STT3B: variants seen among roughly 807,000 people sequenced by gnomAD.
STT3B encodes dolichyl-diphosphooligosaccharide--protein glycosyltransferase subunit STT3B.
A neutral mutation model predicts 96.8 loss-of-function variants in STT3B; 29 were observed. The observed-to-expected ratio is 0.30, with a 90% CI of 0.22 to 0.41. STT3B has a LOEUF of 0.41. STT3B is among the 10% of genes least tolerant of loss of function. STT3B has a pLI of 1.00. For missense variants in STT3B, 640 were observed against 1,022.3 expected (o/e 0.63, Z 5.10); for synonymous variants, 367 against 360.0 (o/e 1.02, Z -0.22).
intron 5 of STT3B, among the ~76,000 whole-genome samples, chr3:31,610,357 A>T (rs942585631): frequency 6.6e-6 from 1 of 152,216 alleles, no homozygotes; most frequent in East Asian, 1.9e-4. Flanking sequence ...AAAAATGCTA[A>T]TGTGATTTAA....
At chr3:31,602,918 A>G (rs1025621823) in intron 5 of STT3B, among the ~76,000 whole-genome samples, 6 of 152,110 alleles carry the variant, frequency 3.9e-5, no homozygotes, top group African/African-American at 1.2e-4. Context: ...GGAAAGTAGT[A>G]TGATAGAGCA....
intron 2 of STT3B, 44 bp downstream of exon 2, chr3:31,576,548 G>A (rs772159286): frequency 5.2e-6 from 6 of 1,150,772 alleles, no homozygotes; most frequent in Non-Finnish European, 7.4e-6. Flanking sequence ...AACATTTATT[G>A]TTACTTGAGT....
At chr3:31,612,793 T>C (rs1699214464) in intron 5 of STT3B, among the ~76,000 whole-genome samples, 1 of 152,130 alleles carries the variant, frequency 6.6e-6, no homozygotes, top group Non-Finnish European at 1.5e-5. Context: ...TTACCAAACA[T>C]GATTGCTAAA....
chr3:31,535,548 AC>A (rs549229516), intron 1 of STT3B, among the ~76,000 whole-genome samples: 2 of 151,838 alleles, frequency 1.3e-5, no homozygotes, highest in Admixed American at 1.3e-4. Flanking sequence ...ACATGGTGAA[AC>A]CCCCTCTCTA....
At chr3:31,623,946 G>C in intron 11 of STT3B, 85 bp downstream of exon 11, 2 of 1,180,452 alleles carry the variant, frequency 1.7e-6, no homozygotes, top group Non-Finnish European at 2.3e-6. Flanking sequence ...AAAATAGAAT[G>C]TTGTTTGTGA....
In STT3B at chr3:31,600,942, G is replaced by T. The variant is rs181801520; in HGVS notation, c.877+483G>T. On this transcript the variant is annotated intron_variant, in intron 5 of 15. Coordinates refer to ENST00000295770, the MANE Select transcript of STT3B (RefSeq NM_178862.3). ...AATATTTTCACTGTGATGTTTAGCGGTAGATGATGTTTCACCTTAGATCTC... is the reference window on the plus strand; with the variant it reads ...AATATTTTCACTGTGATGTTTAGCGTTAGATGATGTTTCACCTTAGATCTC... 7.9e-5 allele frequency among the ~76,000 whole-genome samples: 12 copies of T among 152,152 alleles called. No individual in the cohort carries two copies. The East Asian group carries it at 2.1e-3, about 27-fold the overall frequency.
At chr3:31,560,944 A>T (rs1697862941) in intron 1 of STT3B, among the ~76,000 whole-genome samples, 1 of 151,954 alleles carries the variant, frequency 6.6e-6, no homozygotes, top group Admixed American at 6.6e-5. Flanking sequence ...TGTTTTTAAA[A>T]TTTATTTCTT....
chr3:31,562,195 G>A (rs961841378), intron 1 of STT3B, among the ~76,000 whole-genome samples: 4 of 152,180 alleles, frequency 2.6e-5, no homozygotes, highest in African/African-American at 2.4e-5. Context: ...CTGGGCAGCA[G>A]GTGTAGCATG....
chr3:31,552,611 C>T (rs1044377190), intron 1 of STT3B, among the ~76,000 whole-genome samples: 1 of 151,844 alleles, frequency 6.6e-6, no homozygotes. Context: ...ATTTTTTAAC[C>T]CTTACGAGTG....
At chr3:31,625,218 A>G (rs577862293) in intron 12 of STT3B, 133 bp downstream of exon 12, 8 of 713,590 alleles carry the variant, frequency 1.1e-5, no homozygotes, top group South Asian at 5.7e-5. Flanking sequence ...TTTTACACAT[A>G]TGTTCAATAA....
intron 1 of STT3B, among the ~76,000 whole-genome samples, chr3:31,534,016 G>A (rs1411520344): frequency 6.6e-6 from 1 of 152,200 alleles, no homozygotes; most frequent in Non-Finnish European, 1.5e-5. Flanking sequence ...TTTAAAGAGT[G>A]GCTTTTTTTC....
intron 6 of STT3B, among the ~76,000 whole-genome samples, chr3:31,615,876 TGTTTA>T (rs927261843): frequency 9.2e-5 from 14 of 152,082 alleles, no homozygotes; most frequent in African/African-American, 3.4e-4. Context: ...ACATCCTCTT[TGTTTA>T]AAGTTTTATG....
At chr3:31,628,183 C>T (rs865970197) in intron 13 of STT3B, among the ~76,000 whole-genome samples, 4 of 108,182 alleles carry the variant, frequency 3.7e-5, no homozygotes, top group Middle Eastern at 0.013. Context: ...ATGGTGTACA[C>T]CATAAATATA....
At position 31,576,387 on chromosome 3, in the gene STT3B, T is replaced by C; in HGVS notation, c.315-9T>C. The C allele has an allele frequency of 6.6e-7, 1 of 1,510,490 alleles. No individual in the cohort carries two copies. The highest frequency in any genetic ancestry group is 1.2e-5 in the South Asian group (1 of 82,470). 93.6% of individuals were successfully genotyped at this position (1,510,490 alleles called of 1,614,324 possible). A position where few individuals can be genotyped will look rare whatever the true frequency, so the allele number is the denominator to read the frequency against. On this transcript the variant is annotated splice_polypyrimidine_tract_variant and intron_variant, in intron 1 of 15. Transcript: ENST00000295770. ...TTTTATAACATTTCTTTTTATCTCT[T>C]TTCTCTAGGTTTAACTATAGATCAA...
chr3:31,533,359 G>A (rs780836340), intron 1 of STT3B, 47 bp downstream of exon 1: 4 of 1,419,558 alleles, frequency 2.8e-6, no homozygotes, highest in East Asian at 6.4e-5. Flanking sequence ...GCGGGGAACC[G>A]GGACCCGCTC....
chr3:31,535,974 C>G (rs1359421897), intron 1 of STT3B, among the ~76,000 whole-genome samples: 2 of 151,936 alleles, frequency 1.3e-5, no homozygotes, highest in African/African-American at 2.4e-5. Context: ...TGTGCCTTAC[C>G]GTGAATGGAG....
intron 1 of STT3B, among the ~76,000 whole-genome samples, chr3:31,569,411 C>T (rs867921929): frequency 7.9e-5 from 12 of 152,244 alleles, no homozygotes; most frequent in Middle Eastern, 6.8e-3. Context: ...CCTTAGGAGA[C>T]GGTCTCTTTT....
intron 5 of STT3B, among the ~76,000 whole-genome samples, chr3:31,604,160 G>A (rs1157852164): frequency 6.6e-6 from 1 of 152,024 alleles, no homozygotes. Context: ...AGTAACAGTT[G>A]TTTTTCATAT....
At chr3:31,551,365 G>A (rs1042988386) in intron 1 of STT3B, among the ~76,000 whole-genome samples, 7 of 152,044 alleles carry the variant, frequency 4.6e-5, no homozygotes, top group African/African-American at 7.2e-5. Flanking sequence ...ACATGCGCAT[G>A]CCACCACGCC....
Sources: gnomAD v4.1 joint callset for allele counts (sites outside exome capture counted in the v4.1 genomes callset) on GRCh38, gnomAD v4.1.1 for gene constraint, MANE v1.5 for transcripts, NCBI Gene and HGNC (gene_info 2026-07-23, HGNC 2026-07-21) for gene names.